The following C1QTNF12 variants were observed in gnomAD, a reference collection of about 807,000 sequenced individuals.
C1QTNF12 encodes the protein C1q and TNF related 12, also known as adipolin.
In C1QTNF12, 39 loss-of-function variants were observed where a neutral mutation model predicts 34.3. The observed-to-expected ratio is 1.14, with a 90% confidence interval of 0.88 to 1.49. The LOEUF (loss-of-function observed/expected upper bound fraction) is 1.49. C1QTNF12 is among the 40% of genes most tolerant of loss of function. The pLI is 0.00. For missense variants in C1QTNF12, 497 were observed against 424.7 expected (o/e 1.17, Z -1.50); for synonymous variants, 220 against 196.9 (o/e 1.12, Z -0.98).
In C1QTNF12 at chr1:1,244,076, G is replaced by C; in HGVS notation, c.409C>G (p.Leu137Val). The change falls in exon 4 of 8, where the codon CTG becomes GTG. Residue 137 changes from leucine (L) to valine (V), a missense_variant. Coordinates refer to ENST00000330388, the MANE Select transcript of C1QTNF12 (RefSeq NM_001014980.3). ...GCCCCCTGGGGCAGCAGCGGGTCCA[G>C]AAGCCCTGAGAACCGGCGCTCCGTG... Reference protein sequence around the residue: ...EATERRFSGLLDPLLPQGAGL... With the variant: ...EATERRFSGLVDPLLPQGAGL... The C allele has an allele frequency of 6.3e-7, 1 of 1,593,444 alleles. No individual in the cohort carries two copies. The highest frequency in any genetic ancestry group is 1.7e-4 in the Middle Eastern group (1 of 5,810).
chr1:1,244,681 C>T (rs1184897917), intron 1 of C1QTNF12, 184 bp from the exon 2 acceptor site: 17 of 593,786 alleles, frequency 2.9e-5, no homozygotes, highest in African/African-American at 1.3e-4. Flanking sequence ...GGCAGGCATG[C>T]GGGGCTTCTG....
At chr1:1,243,924 AC>A (rs1435295187) in intron 4 of C1QTNF12, 29 bp downstream of exon 4, 3 of 1,589,428 alleles carry the variant, frequency 1.9e-6, no homozygotes, top group Non-Finnish European at 1.7e-6. Flanking sequence ...CCCACCCAAC[AC>A]CCCGCTCTAA....
At chr1:1,243,650 G>T (rs111673713) in intron 4 of C1QTNF12, 98 bp from the exon 5 acceptor site, 1 of 1,036,626 alleles carries the variant, frequency 9.6e-7, no homozygotes, top group Non-Finnish European at 1.4e-6. Flanking sequence ...CCCCTCACTC[G>T]GAGCAGCTCT....
In C1QTNF12 at chr1:1,246,686, C is replaced by A; in HGVS notation, c.5G>T (p.Arg2Leu). The change falls in exon 1 of 8, where the codon CGG becomes CTG. Residue 2 changes from arginine (R) to leucine (L), a missense_variant. Transcript: ENST00000330388. This position sits in a 1 kb window ranked among gnomAD's most constrained non-coding sequence, Gnocchi z 4.5. ...CACGACCGCGGCCCAGGCCCAGCGC[C>A]GCATGGCTCCGTCCCGAGGCGGCTC... M[R>L]RWAWAAVVVL... 8.2e-7 allele frequency: 1 copy of A among 1,223,526 alleles called. No homozygotes were observed. The highest frequency in any genetic ancestry group is 1.0e-6 in the Non-Finnish European group (1 of 982,580). The allele number at this position is 1,223,526 out of a possible 1,614,324, so 75.8% of individuals were successfully genotyped here.
Position 1,243,531 on chromosome 1 carries a change from G to A in C1QTNF12, c.553C>T (p.Leu185=), listed in dbSNP as rs1638799757. The A allele has an allele frequency of 6.4e-7, 1 of 1,553,364 alleles. No homozygotes were observed. The highest frequency in any genetic ancestry group is 1.2e-5 in the South Asian group (1 of 84,444). Reference sequence around the variant, plus strand: ...GCCAGGCTCAGACCGGAGCCTCGCAGGAAGGCACCTTGGGCAGCAGGCTGT... The same window carrying A: ...GCCAGGCTCAGACCGGAGCCTCGCAAGAAGGCACCTTGGGCAGCAGGCTGT... ...FQAPAAQGAF[L]RGSGLSLASG... is the part of the protein sequence containing the mutation. Residue 185 remains leucine, a synonymous_variant, in exon 5 of 8, where the codon CTG becomes TTG. Transcript: ENST00000330388.
intron 4 of C1QTNF12, 139 bp downstream of exon 4, chr1:1,243,815 G>A: frequency 8.1e-7 from 1 of 1,227,378 alleles, no homozygotes; most frequent in Non-Finnish European, 1.1e-6. Flanking sequence ...CCTGACCCGA[G>A]GCAGCCCCTC....
chr1:1,245,861 C>A (rs964329876), intron 1 of C1QTNF12, among the ~76,000 whole-genome samples: 2 of 152,178 alleles, frequency 1.3e-5, no homozygotes, highest in African/African-American at 2.4e-5. Flanking sequence ...AACTGCGGCT[C>A]CCCTCCCAGT....
Position 1,246,522 on chromosome 1 carries a change from C to T in C1QTNF12, c.169G>A (p.Ala57Thr), listed in dbSNP as rs1570516175. 1 of 1,233,464 alleles carries T rather than the reference C, an allele frequency of 8.1e-7. No homozygotes were observed. The highest frequency in any genetic ancestry group is 1.0e-6 in the Non-Finnish European group (1 of 988,512). The allele number at this position is 1,233,464 out of a possible 1,614,324, so 76.4% of individuals were successfully genotyped here. Residue 57 changes from alanine to threonine, a missense_variant, in exon 1 of 8, where the codon GCC (alanine) becomes ACC (threonine). Physicochemically the swap from Ala to Thr is moderately conservative, Grantham distance 58. Coordinates refer to ENST00000330388, the MANE Select transcript of C1QTNF12 (RefSeq NM_001014980.3). This position sits in a 1 kb window ranked among gnomAD's most constrained non-coding sequence, Gnocchi z 4.5. Reference protein sequence around the residue: ...SASSREGLPEAPKPSQASGPE... With the variant: ...SASSREGLPETPKPSQASGPE... ...GCGTCCCGGCCGCGTACCTTGGGGG[C>T]CTCGGGCAGCCCCTCGCGGGAGGAC...
intron 5 of C1QTNF12, 94 bp downstream of exon 5, chr1:1,243,350 C>T (rs1638792081): frequency 8.0e-7 from 1 of 1,242,478 alleles, no homozygotes; most frequent in Non-Finnish European, 1.1e-6. Context: ...AGGTCCCTAA[C>T]AGGACCCGCA....
chr1:1,243,475 G>T lies in C1QTNF12; in HGVS notation c.609C>A (p.Gly203=). The T allele has an allele frequency of 6.4e-7, 1 of 1,559,568 alleles. No individual in the cohort carries two copies. The highest frequency in any genetic ancestry group is 2.4e-5 in the East Asian group (1 of 41,468). The change falls in exon 5 of 8, where the codon GGC becomes GGA. Residue 203 remains glycine, a synonymous_variant. Coordinates refer to ENST00000330388, the MANE Select transcript of C1QTNF12 (RefSeq NM_001014980.3). The stretch of plus-strand genomic sequence containing the variant: ...GCAGACTGGCAGAGAACTGGAAGAT[G>T]CCGGACACGGGGGCCGTGAACCGAC... ...ASGRFTAPVS[G]IFQFSASLHV... is the part of the protein sequence containing the mutation.
chr1:1,243,261 G>A, intron 5 of C1QTNF12, 109 bp from the exon 6 acceptor site: 1 of 1,057,022 alleles, frequency 9.5e-7, no homozygotes, highest in Non-Finnish European at 1.4e-6. Context: ...GGCTGCTGGG[G>A]CTGGGGAGGG....
At position 1,243,519 on chromosome 1, in the gene C1QTNF12, C is replaced by T. The variant is rs778847450; in HGVS notation, c.565G>A (p.Gly189Ser). Residue 189 changes from glycine to serine, a missense_variant, in exon 5 of 8, where the codon GGT (glycine) becomes AGT (serine). Gly to Ser is a moderately conservative substitution (Grantham distance 56). Coordinates refer to ENST00000330388, the MANE Select transcript of C1QTNF12 (RefSeq NM_001014980.3). Reference sequence around the variant, plus strand: ...AACCGACCCGAGGCCAGGCTCAGACCGGAGCCTCGCAGGAAGGCACCTTGG... The same window carrying T: ...AACCGACCCGAGGCCAGGCTCAGACTGGAGCCTCGCAGGAAGGCACCTTGG... ...AAQGAFLRGS[G>S]LSLASGRFTA... 40 of 1,555,484 alleles carry T rather than the reference C, an allele frequency of 2.6e-5. No individual in the cohort carries two copies. The highest frequency in any genetic ancestry group is 6.8e-5 in the African/African-American group (5 of 73,208).
At chr1:1,246,776 G>C, upstream of C1QTNF12, 2 of 1,000,720 alleles carry the variant, frequency 2.0e-6, no homozygotes, top group Non-Finnish European at 2.5e-6. The surrounding 1 kb of genome is among the most constrained non-coding windows in gnomAD (Gnocchi z 4.5). Context: ...GCCCCCGCGC[G>C]GGGGCGAGGC....
Position 1,243,064 on chromosome 1 carries a change from G to T in C1QTNF12, c.729C>A (p.His243Gln). ...LICIESLCQR[H>Q]TCLEAVSGLE... ...GAGCGGGGGCTGAGGTCACTCACGT[G>T]TGGCGCTGGCACAGGGACTCAATAC... Residue 243 changes from histidine to glutamine, a missense_variant and splice_region_variant, in exon 6 of 8, where the codon CAC becomes CAA. By Grantham distance (24) the His-to-Gln change is conservative. Coordinates refer to ENST00000330388, the MANE Select transcript of C1QTNF12 (RefSeq NM_001014980.3). 2 of 1,580,154 alleles carry T rather than the reference G, an allele frequency of 1.3e-6. No individual in the cohort carries two copies. The highest frequency in any genetic ancestry group is 1.7e-6 in the Non-Finnish European group (2 of 1,163,844).
chr1:1,244,343 C>G, intron 2 of C1QTNF12, 38 bp downstream of exon 2: 1 of 1,600,592 alleles, frequency 6.2e-7, no homozygotes, highest in Non-Finnish European at 8.5e-7. Context: ...ACACCCTGTC[C>G]GGGGCTCAGA....
rs537073217 is a variant in C1QTNF12 at position 1,243,484 on chromosome 1, G to A, written c.600C>T (p.Pro200=). The A allele has an allele frequency of 4.8e-5, 75 of 1,560,266 alleles. No individual in the cohort carries two copies. The highest frequency in any genetic ancestry group is 9.4e-5 in the Admixed American group (5 of 52,926). The change falls in exon 5 of 8, where the codon CCC becomes CCT. Residue 200 remains proline (P), a synonymous_variant. Transcript: ENST00000330388. ...CAGAGAACTGGAAGATGCCGGACAC[G>A]GGGGCCGTGAACCGACCCGAGGCCA... ...LSLASGRFTA[P]VSGIFQFSAS...
rs199582674 is a variant in C1QTNF12, at chr1:1,244,360, A to G, written c.294+21T>C. Reference sequence around the variant, plus strand: ...ACCCTGTCCGGGGCTCAGACCCTGCAGCAGCCCGGGCGGGGCTCACCGGCT... The same window carrying G: ...ACCCTGTCCGGGGCTCAGACCCTGCGGCAGCCCGGGCGGGGCTCACCGGCT... On this transcript the variant is annotated intron_variant, in intron 2 of 7. Coordinates refer to ENST00000330388, the MANE Select transcript of C1QTNF12 (RefSeq NM_001014980.3). 1.4e-5 allele frequency: 23 copies of G among 1,607,234 alleles called. No homozygotes were observed. The East Asian group carries it at 4.7e-4, about 33-fold the overall frequency.
At chr1:1,244,567 G>C in intron 1 of C1QTNF12, 70 bp from the exon 2 acceptor site, 1 of 1,223,920 alleles carries the variant, frequency 8.2e-7, no homozygotes, top group African/African-American at 1.5e-5. Flanking sequence ...CAGGGCAGCG[G>C]GGAGCACTCA....
At position 1,243,128 on chromosome 1, in the gene C1QTNF12, G is replaced by C. The variant is rs1374842410; in HGVS notation, c.665C>G (p.Ala222Gly). The change falls in exon 6 of 8, where the codon GCC becomes GGC. Residue 222 changes from alanine to glycine, a missense_variant. Coordinates refer to ENST00000330388, the MANE Select transcript of C1QTNF12 (RefSeq NM_001014980.3). ...CACCACGTCCCGGGCCCGCAGCCGGGCCTTGCCCTGCAGCTCACTGTGGTC... is the reference window on the plus strand; with the variant it reads ...CACCACGTCCCGGGCCCGCAGCCGGCCCTTGCCCTGCAGCTCACTGTGGTC... Reference protein sequence around the residue: ...HVDHSELQGKARLRARDVVCV... With the variant: ...HVDHSELQGKGRLRARDVVCV... 1 of 1,582,174 alleles carries C rather than the reference G, an allele frequency of 6.3e-7. No homozygotes were observed. Among genetic ancestry groups the C allele is most frequent in the Non-Finnish European group, 8.6e-7 (1 of 1,165,666 alleles).
Sources: gnomAD v4.1 joint callset for allele counts (sites outside exome capture counted in the v4.1 genomes callset) on GRCh38, gnomAD v4.1.1 for gene constraint, Gnocchi (gnomAD v3.1) non-coding constraint, MANE v1.5 for transcripts, NCBI Gene and HGNC (gene_info 2026-07-23, HGNC 2026-07-21) for gene names.